Variants in SPRR2F observed in about 807,000 individuals in gnomAD.
The protein encoded by SPRR2F is small proline-rich protein 2F.
SPRR2F carries 2 observed loss-of-function variants against 0.8 expected under a neutral mutation model. The observed-to-expected ratio is 2.52, with a 90% CI of 1.03 to 7.95. SPRR2F has a LOEUF of 7.95. Among genes scored for constraint, SPRR2F ranks in the 30% most tolerant of loss-of-function variants. SPRR2F has a pLI of 0.04. For synonymous variants in SPRR2F, 39 were observed against 33.4 expected (o/e 1.17, Z -0.58); for missense variants, 80 against 85.8 (o/e 0.93, Z 0.27).
At chr1:153,115,341 G>C (rs1279203880), upstream of SPRR2F, among the ~76,000 whole-genome samples, 2 of 152,238 alleles carry the variant, frequency 1.3e-5, no homozygotes, top group African/African-American at 4.8e-5. Flanking sequence ...CAAATCCTTA[G>C]AGAAATGTCT....
At chr1:153,118,420 G>A (rs890671717), upstream of SPRR2F, among the ~76,000 whole-genome samples, 1 of 152,022 alleles carries the variant, frequency 6.6e-6, no homozygotes, top group Non-Finnish European at 1.5e-5. Context: ...GCCACACGGA[G>A]GCACATTATA....
upstream of SPRR2F, among the ~76,000 whole-genome samples, chr1:153,113,875 T>C (rs1417296025): frequency 2.0e-5 from 3 of 152,068 alleles, no homozygotes; most frequent in African/African-American, 7.2e-5. Flanking sequence ...CTGATCCACT[T>C]TACTGAATGC....
intron 1 of SPRR2F, 79 bp from the exon 2 acceptor site, chr1:153,112,831 C>T (rs1655631833): frequency 6.4e-6 from 10 of 1,571,928 alleles, no homozygotes; most frequent in South Asian, 2.3e-5. Context: ...AATACCATGG[C>T]ATATTATTTC....
At chr1:153,119,355 T>C in the SPRR2F span, among the ~76,000 whole-genome samples, 219 of 152,306 alleles carry the variant, frequency 1.4e-3, 3 homozygotes, top group Middle Eastern at 0.02. Flanking sequence ...AGACTCACTT[T>C]ACATGGAAGA....
upstream of SPRR2F, among the ~76,000 whole-genome samples, chr1:153,118,301 C>T (rs917208213): frequency 6.6e-6 from 1 of 152,006 alleles, no homozygotes; most frequent in African/African-American, 2.4e-5. Context: ...AACAGAAGGC[C>T]GTCTTAAAGA....
At chr1:153,114,636 T>A (rs1268184438), upstream of SPRR2F, among the ~76,000 whole-genome samples, 1 of 152,154 alleles carries the variant, frequency 6.6e-6, no homozygotes, top group Non-Finnish European at 1.5e-5. Context: ...AGGTTTTAGG[T>A]GTTTCTCAGT....
upstream of SPRR2F, among the ~76,000 whole-genome samples, chr1:153,118,489 T>C (rs146022993): frequency 2.0e-5 from 3 of 152,230 alleles, no homozygotes; most frequent in Non-Finnish European, 2.9e-5. Flanking sequence ...TCTTCATATA[T>C]AAGTGATCCT....
chr1:153,115,244 G>A (rs981562215), upstream of SPRR2F, among the ~76,000 whole-genome samples: 2 of 152,162 alleles, frequency 1.3e-5, no homozygotes, highest in African/African-American at 4.8e-5. Context: ...TATTACGCAT[G>A]CTAAGCACAT....
In SPRR2F at chr1:153,112,196, G is replaced by A. The variant is rs1472719555; in HGVS notation, c.*319C>T. 3 of 427,320 alleles carry A rather than the reference G, an allele frequency of 7.0e-6. No individual in the cohort carries two copies. The highest frequency in any genetic ancestry group is 6.0e-5 in the African/African-American group (3 of 49,634). 26.5% of individuals were successfully genotyped at this position (427,320 alleles called of 1,614,324 possible). On this transcript the variant is annotated 3_prime_UTR_variant, in exon 2 of 2. Coordinates refer to ENST00000468739, the MANE Select transcript of SPRR2F (RefSeq NM_001014450.3). ...CAGGTGGTGGAAGCTCATGCCCAGG[G>A]GACAGACAGACACAGAAAACATCAA...
the SPRR2F span, among the ~76,000 whole-genome samples, chr1:153,119,130 GT>G: frequency 1.3e-5 from 2 of 152,062 alleles, no homozygotes; most frequent in Non-Finnish European, 2.9e-5. Flanking sequence ...CAATCAAAAA[GT>G]TTTTCTACAA....
rs571283997 is a variant in SPRR2F at position 153,112,206 on chromosome 1, A to G, written c.*309T>C. On this transcript the variant is annotated 3_prime_UTR_variant, in exon 2 of 2. Coordinates refer to ENST00000468739, the MANE Select transcript of SPRR2F (RefSeq NM_001014450.3). ...AAGCTCATGCCCAGGGGACAGACAGACACAGAAAACATCAACAGAATTCTC... is the reference window on the plus strand; with the variant it reads ...AAGCTCATGCCCAGGGGACAGACAGGCACAGAAAACATCAACAGAATTCTC... 6.0e-5 allele frequency: 27 copies of G among 448,640 alleles called. No homozygotes were observed. Among genetic ancestry groups the G allele is most frequent in the African/African-American group, 3.2e-4 (16 of 50,372 alleles). The allele number at this position is 448,640 out of a possible 1,614,324, so 27.8% of individuals were successfully genotyped here. A position where few individuals can be genotyped will look rare whatever the true frequency, so the allele number is the denominator to read the frequency against.
upstream of SPRR2F, among the ~76,000 whole-genome samples, chr1:153,115,242 A>C (rs1368324741): frequency 1.3e-5 from 2 of 152,206 alleles, no homozygotes; most frequent in Non-Finnish European, 2.9e-5. Context: ...ACTATTACGC[A>C]TGCTAAGCAC....
chr1:153,114,067 T>G (rs10157591), upstream of SPRR2F, among the ~76,000 whole-genome samples: 7,371 of 143,170 alleles, frequency 0.051, 602 homozygotes, highest in East Asian at 0.36. Context: ...CTCCTCCCTG[T>G]GATTATAAGC....
the SPRR2F span, among the ~76,000 whole-genome samples, chr1:153,118,608 T>C: frequency 1.3e-5 from 2 of 152,226 alleles, no homozygotes; most frequent in South Asian, 4.1e-4. Context: ...GAATTTCGCT[T>C]CTGGCAAAAT....
At chr1:153,117,863 G>A (rs191331434), upstream of SPRR2F, among the ~76,000 whole-genome samples, 9 of 151,940 alleles carry the variant, frequency 5.9e-5, no homozygotes, top group East Asian at 1.9e-4. Context: ...CAAGTAAACC[G>A]GACAAAATTG....
At chr1:153,118,455 TCAAA>T (rs950394498), upstream of SPRR2F, among the ~76,000 whole-genome samples, 1 of 152,072 alleles carries the variant, frequency 6.6e-6, no homozygotes, top group Non-Finnish European at 1.5e-5. Flanking sequence ...GAGAGAATAT[TCAAA>T]GCATCAAGAG....
chr1:153,114,048 A>G (rs892421515), upstream of SPRR2F, among the ~76,000 whole-genome samples: 1 of 117,326 alleles, frequency 8.5e-6, no homozygotes, highest in Admixed American at 1.1e-4. Context: ...GACCACAGGC[A>G]GGTCACCTCT....
At chr1:153,116,982 C>T (rs75899789), upstream of SPRR2F, among the ~76,000 whole-genome samples, 24 of 152,058 alleles carry the variant, frequency 1.6e-4, no homozygotes, top group East Asian at 4.6e-3. Context: ...ACATTATGTA[C>T]TTAGACTTAT....
chr1:153,114,020 T>TG (rs1655665493), upstream of SPRR2F, among the ~76,000 whole-genome samples: 1 of 105,254 alleles, frequency 9.5e-6, no homozygotes, highest in South Asian at 4.4e-4. Flanking sequence ...TTTTTTTTTT[T>TG]TTGTTGCTAA....
Sources: gnomAD v4.1 joint callset for allele counts (sites outside exome capture counted in the v4.1 genomes callset) on GRCh38, gnomAD v4.1.1 for gene constraint, MANE v1.5 for transcripts, NCBI Gene and HGNC (gene_info 2026-07-23, HGNC 2026-07-21) for gene names.